JAK3: variants seen among roughly 807,000 people sequenced by gnomAD.
JAK3 encodes the protein tyrosine-protein kinase JAK3.
A neutral mutation model predicts 120.8 loss-of-function variants in JAK3; 88 were observed. That is an observed-to-expected ratio of 0.73 (90% confidence interval 0.61 to 0.87). The LOEUF is 0.87. Among genes scored for constraint, JAK3 ranks in the 40% least tolerant of loss-of-function variants. The pLI, the probability that JAK3 is intolerant of heterozygous loss-of-function variation, is 0.00. For synonymous variants in JAK3, 592 were observed against 628.6 expected (o/e 0.94, Z 0.87); for missense variants, 1,254 against 1,501.4 (o/e 0.84, Z 2.72).
Position 17,841,789 on chromosome 19 carries a change from G to A in JAK3, c.862-27C>T, listed in dbSNP as rs566781732. ...TGGGAAGGAGGGGGAGTACCGAAGT[G>A]GGGGCCCAGCTGGACCCCGCCAAAC... On this transcript the variant is annotated intron_variant, in intron 6 of 23. Transcript: ENST00000458235. This position sits in a 1 kb window ranked among gnomAD's most constrained non-coding sequence, Gnocchi z 4.1. The A allele has an allele frequency of 2.5e-6, 4 of 1,599,924 alleles. No individual in the cohort carries two copies. Among genetic ancestry groups the A allele is most frequent in the Non-Finnish European group, 3.4e-6 (4 of 1,179,772 alleles).
Position 17,845,091 on chromosome 19 carries a change from C to T in JAK3, c.-13-661G>A, listed in dbSNP as rs1165069247. On this transcript the variant is annotated intron_variant, in intron 1 of 23. Coordinates refer to ENST00000458235, the MANE Select transcript of JAK3 (RefSeq NM_000215.4). ...AACAAAAACCTAAGTTCCAGCAGGGCGCAGTGGCTCATGTCTGTAATCCCA... is the reference window on the plus strand; with the variant it reads ...AACAAAAACCTAAGTTCCAGCAGGGTGCAGTGGCTCATGTCTGTAATCCCA... Among the ~76,000 whole-genome samples, 4 of 152,188 alleles carry T rather than the reference C, an allele frequency of 2.6e-5. No individual in the cohort carries two copies. The South Asian group carries it at 6.2e-4, about 24-fold the overall frequency.
At chr19:17,833,788 G>C (rs987267873) in intron 17 of JAK3, among the ~76,000 whole-genome samples, 8 of 152,140 alleles carry the variant, frequency 5.3e-5, no homozygotes, top group African/African-American at 1.7e-4. Context: ...GGGAGGCAGA[G>C]GTTGCAGTGA....
chr19:17,843,032 A>C lies in JAK3; in HGVS notation c.561T>G (p.Thr187=). Reference sequence around the variant, plus strand: ...CACAGCCTGGTGGCTCTCACCTGACAGTCTTCAGCAGCTCTCCCGGCCGCT... The same window carrying C: ...CACAGCCTGGTGGCTCTCACCTGACCGTCTTCAGCAGCTCTCCCGGCCGCT... The part of the protein sequence containing the change: ...QAQRPGELLK[T]VSYKACLPPS... Residue 187 remains threonine (T), a synonymous_variant, in exon 5 of 24, where the codon ACT becomes ACG. Transcript: ENST00000458235. The surrounding 1 kb of genome is among the most constrained non-coding windows in gnomAD (Gnocchi z 5.4). The C allele has an allele frequency of 6.2e-7, 1 of 1,610,512 alleles. No homozygotes were observed. Among genetic ancestry groups the C allele is most frequent in the Admixed American group, 1.7e-5 (1 of 60,014 alleles).
At chr19:17,835,050 C>T (rs1308885776) in intron 15 of JAK3, 33 bp downstream of exon 15, 30 of 1,614,018 alleles carry the variant, frequency 1.9e-5, no homozygotes, top group Non-Finnish European at 2.5e-5. Flanking sequence ...TTGCCCTGCT[C>T]AGCCCCTCCC....
Position 17,835,086 on chromosome 19 carries a change from C to G in JAK3, c.2044G>C (p.Glu682Gln), listed in dbSNP as rs1568402956. The change falls in exon 15 of 24, where the codon GAG (glutamate) becomes CAG (glutamine). Residue 682 changes from glutamate (E) to glutamine (Q), a missense_variant. Physicochemically the swap from Glu to Gln is conservative, Grantham distance 29. This residue lies in a region of JAK3 where 630 missense variants were observed against 819.8 expected (regional missense o/e 0.77). Coordinates refer to ENST00000458235, the MANE Select transcript of JAK3 (RefSeq NM_000215.4). ...PGVSPAVLSL[E>Q]MLTDRIPWVA... Reference sequence around the variant, plus strand: ...TCCTCCACCTCCAGGAACTTACTCTCCAGGCTTAACACAGCGGGGCTGACC... The same window carrying G: ...TCCTCCACCTCCAGGAACTTACTCTGCAGGCTTAACACAGCGGGGCTGACC... The G allele has an allele frequency of 1.9e-6, 3 of 1,614,212 alleles. No homozygotes were observed. The highest frequency in any genetic ancestry group is 2.5e-6 in the Non-Finnish European group (3 of 1,180,038).
Position 17,843,785 on chromosome 19 carries a change from G to A in JAK3, c.300C>T (p.Tyr100=), listed in dbSNP as rs2147699960. The A allele has an allele frequency of 6.2e-7, 1 of 1,613,618 alleles. No homozygotes were observed. The highest frequency in any genetic ancestry group is 8.5e-7 in the Non-Finnish European group (1 of 1,179,992). Residue 100 remains tyrosine, a synonymous_variant, in exon 3 of 24, where the codon TAC becomes TAT. Coordinates refer to ENST00000458235, the MANE Select transcript of JAK3 (RefSeq NM_000215.4). This position sits in a 1 kb window ranked among gnomAD's most constrained non-coding sequence, Gnocchi z 5.4. ...TGGGGGGCACTTCCTACCGAATCCTGTACAGCAGGACTTGGGTGCTGGCAT... is the reference window on the plus strand; with the variant it reads ...TGGGGGGCACTTCCTACCGAATCCTATACAGCAGGACTTGGGTGCTGGCAT... ...VEDASTQVLL[Y]RIRFYFPNWF...
rs200170960 is a variant in JAK3, at chr19:17,842,576, G to A, written c.601C>T (p.Leu201=). 1 of 1,586,496 alleles carries A rather than the reference G, an allele frequency of 6.3e-7. No individual in the cohort carries two copies. The highest frequency in any genetic ancestry group is 1.1e-5 in the South Asian group (1 of 87,766). ...KACLPPSLRD[L]IQGLSFVTRR... ...GTCACGAAGCTCAGGCCCTGGATCA[G>A]GTCGCGCAGGCTTGGGGGTAGGCAG... The change falls in exon 6 of 24, where the codon CTG becomes TTG. Residue 201 remains leucine, a synonymous_variant. Coordinates refer to ENST00000458235, the MANE Select transcript of JAK3 (RefSeq NM_000215.4). The surrounding 1 kb of genome is among the most constrained non-coding windows in gnomAD (Gnocchi z 6.4).
intron 12 of JAK3, 50 bp from the exon 13 acceptor site, chr19:17,837,263 A>G: frequency 6.9e-7 from 1 of 1,448,498 alleles, no homozygotes; most frequent in African/African-American, 1.4e-5. Flanking sequence ...TTCCACTCCA[A>G]TAATCCCAAA....
intron 23 of JAK3, among the ~76,000 whole-genome samples, chr19:17,828,730 G>A (rs763926870): frequency 3.9e-5 from 6 of 152,174 alleles, no homozygotes; most frequent in Non-Finnish European, 8.8e-5. Context: ...TGGGAGGACA[G>A]GGTCTTCAGC....
At position 17,832,210 on chromosome 19, in the gene JAK3, C is replaced by A. The variant is rs1038971706; in HGVS notation, c.2680+309G>T. The stretch of plus-strand genomic sequence containing the variant: ...TTGGAAGGCAGAGGTTGCAGTGAGC[C>A]GAGATTGAGCCACTGCCTCCAGCCT... On this transcript the variant is annotated intron_variant, in intron 19 of 23. Transcript: ENST00000458235. This position sits in a 1 kb window ranked among gnomAD's most constrained non-coding sequence, Gnocchi z 4.7. 6.6e-6 allele frequency among the ~76,000 whole-genome samples: 1 copy of A among 152,056 alleles called. No homozygotes were observed. The highest frequency in any genetic ancestry group is 1.9e-4 in the East Asian group (1 of 5,186).
rs1226305304 is a variant in JAK3, at chr19:17,844,285, A to G, written c.133T>C (p.Phe45Leu). 2 of 1,606,524 alleles carry G rather than the reference A, an allele frequency of 1.2e-6. No homozygotes were observed. The highest frequency in any genetic ancestry group is 3.4e-5 in the Admixed American group (2 of 58,960). Residue 45 changes from phenylalanine (F) to leucine (L), a missense_variant, in exon 2 of 24, where the codon TTT (phenylalanine) becomes CTT (leucine). Phe to Leu is a conservative substitution (Grantham distance 22). Coordinates refer to ENST00000458235, the MANE Select transcript of JAK3 (RefSeq NM_000215.4). ...PGPPQRLSFS[F>L]GDHLAEDLCV... is the part of the protein sequence containing the mutation. ...AGGTCCTCAGCCAAGTGGTCCCCAA[A>G]GGAGAAAGATAGGCGCTGGGGGGGC...
rs35486965 is a variant in JAK3, at chr19:17,838,712, A to ATT, written c.1442-324_1442-323dup. On this transcript the variant is annotated intron_variant, in intron 10 of 23. Coordinates refer to ENST00000458235, the MANE Select transcript of JAK3 (RefSeq NM_000215.4). ...AGGTGTGTGCCACCGTGCCCGGCTA[A>ATT]TTTTTTTTTTTTTTTTTTTTTGAGA... Among the ~76,000 whole-genome samples the ATT allele has an allele frequency of 5.8e-3, 575 of 99,302 alleles. 22 individuals are homozygous for ATT. Among genetic ancestry groups the ATT allele is most frequent in the African/African-American group, 0.016 (421 of 26,702 alleles). 65.1% of individuals were successfully genotyped at this position (99,302 alleles called of 152,430 possible). A position where few individuals can be genotyped will look rare whatever the true frequency, so the allele number is the denominator to read the frequency against.
Position 17,825,135 on chromosome 19 carries a change from G to A in JAK3, c.*1608C>T, listed in dbSNP as rs2094201800. On this transcript the variant is annotated 3_prime_UTR_variant, in exon 24 of 24. Transcript: ENST00000458235. ...AGAAAGTTGACCCTGCACAGCCAAG[G>A]GGTAAGCTCTGACCATTTTGCAGGG... The A allele has an allele frequency of 4.4e-6, 1 of 229,720 alleles. No individual in the cohort carries two copies. Among genetic ancestry groups the A allele is most frequent in the Non-Finnish European group, 8.6e-6 (1 of 115,908 alleles). 14.2% of individuals were successfully genotyped at this position (229,720 alleles called of 1,614,324 possible). A position where few individuals can be genotyped will look rare whatever the true frequency, so the allele number is the denominator to read the frequency against.
chr19:17,829,775 A>G lies in JAK3; in HGVS notation c.3207+333T>C, dbSNP rs145430619. On this transcript the variant is annotated intron_variant, in intron 23 of 23. Transcript: ENST00000458235. ...TATAAAAAAGAAAGAAAGAAAGAAA[A>G]AAAAAAACCATGAACGTCACCACCA... 811 of 460,124 alleles carry G rather than the reference A, an allele frequency of 1.8e-3. 8 individuals are homozygous for G. The highest frequency in any genetic ancestry group is 0.013 in the African/African-American group (646 of 50,998). The allele number at this position is 460,124 out of a possible 1,614,324, so 28.5% of individuals were successfully genotyped here.
At position 17,842,529 on chromosome 19, in the gene JAK3, C is replaced by T. The variant is rs200376035; in HGVS notation, c.648G>A (p.Thr216=). The T allele has an allele frequency of 1.3e-6, 2 of 1,590,948 alleles. No individual in the cohort carries two copies. The highest frequency in any genetic ancestry group is 1.3e-5 in the African/African-American group (1 of 74,656). ...SFVTRRRIRR[T]VRRALRRVAA... is the part of the protein sequence containing the mutation. The stretch of plus-strand genomic sequence containing the variant: ...CCACGCGGCGCAGGGCTCTGCGCAC[C>T]GTCCTCCGAATACGCCTCCGCGTCA... The change falls in exon 6 of 24, where the codon ACG becomes ACA. Residue 216 remains threonine, a synonymous_variant. Coordinates refer to ENST00000458235, the MANE Select transcript of JAK3 (RefSeq NM_000215.4). This position sits in a 1 kb window ranked among gnomAD's most constrained non-coding sequence, Gnocchi z 6.4.
intron 17 of JAK3, among the ~76,000 whole-genome samples, chr19:17,834,015 T>C (rs542004628): frequency 6.6e-6 from 1 of 152,226 alleles, no homozygotes; most frequent in African/African-American, 2.4e-5. Context: ...GCTGGAACTA[T>C]AGGCATGAGC....
In JAK3 at chr19:17,826,136, C is replaced by G. The variant is rs1364267735; in HGVS notation, c.*607G>C. On this transcript the variant is annotated 3_prime_UTR_variant, in exon 24 of 24. Coordinates refer to ENST00000458235, the MANE Select transcript of JAK3 (RefSeq NM_000215.4). ...CAGTGGCTCATGCCTATTATTCCAA[C>G]ACTTTGGGAGGCTGAGGTGGGAGGA... 6.7e-6 allele frequency: 1 copy of G among 149,906 alleles called. No homozygotes were observed. The highest frequency in any genetic ancestry group is 2.5e-5 in the African/African-American group (1 of 40,330). The allele number at this position is 149,906 out of a possible 1,614,324, so 9.3% of individuals were successfully genotyped here.
rs539793037 is a variant in JAK3 at position 17,845,016 on chromosome 19, C to T, written c.-13-586G>A. On this transcript the variant is annotated intron_variant, in intron 1 of 23. Transcript: ENST00000458235. The stretch of plus-strand genomic sequence containing the variant: ...AAAATTGGGGAGAAAAAGGAGGTCA[C>T]TCAAATTGACCTGAATGAAGAAGAT... Among the ~76,000 whole-genome samples, 9 of 152,120 alleles carry T rather than the reference C, an allele frequency of 5.9e-5. No homozygotes were observed. The South Asian group carries it at 1.9e-3, about 32-fold the overall frequency.
In JAK3 at chr19:17,831,118, G is replaced by A. The variant is rs3212778; in HGVS notation, c.2978+110C>T. The A allele has an allele frequency of 2.6e-3, 3,088 of 1,196,010 alleles. 68 individuals are homozygous for A. The African/African-American group carries it at 0.04, about 15-fold the overall frequency. The allele number at this position is 1,196,010 out of a possible 1,614,324, so 74.1% of individuals were successfully genotyped here. On this transcript the variant is annotated intron_variant, in intron 21 of 23. Coordinates refer to ENST00000458235, the MANE Select transcript of JAK3 (RefSeq NM_000215.4). The surrounding 1 kb of genome is among the most constrained non-coding windows in gnomAD (Gnocchi z 5.1). ...AGGGGCCAAAGCTGCAGCGGAGGAA[G>A]GGCGGGGCTAAGGCTGGGGAGCAAA...
Sources: allele counts gnomAD v4.1 joint callset (sites outside exome capture counted in the v4.1 genomes callset), GRCh38; gene constraint gnomAD v4.1.1; regional missense constraint gnomAD v4.1.1; non-coding constraint Gnocchi (gnomAD v3.1); transcripts MANE v1.5; gene names NCBI Gene and HGNC (gene_info 2026-07-23, HGNC 2026-07-21).